The following KCNAB1 variants were observed in gnomAD, a reference collection of about 807,000 sequenced individuals.
KCNAB1 encodes voltage-gated potassium channel subunit beta-1.
Under a neutral mutation model 64.6 loss-of-function variants are expected in KCNAB1, and 35 were observed. That is an observed-to-expected ratio of 0.54 (90% CI 0.41 to 0.72). KCNAB1 has a LOEUF of 0.72. Ranked by LOEUF, KCNAB1 falls within the 30% of genes least tolerant of loss-of-function variation. The pLI is 0.00. For missense variants in KCNAB1, 401 were observed against 512.9 expected (o/e 0.78, Z 2.11); for synonymous variants, 177 against 183.8 (o/e 0.96, Z 0.30).
At chr3:156,342,306 T>C (rs889227068) in intron 1 of KCNAB1, among the ~76,000 whole-genome samples, 3 of 152,346 alleles carry the variant, frequency 2.0e-5, no homozygotes, top group Middle Eastern at 3.4e-3. Flanking sequence ...GAAAAGTTTA[T>C]CAATGCAAGC....
chr3:156,171,190 C>T (rs1711962047), intron 1 of KCNAB1, among the ~76,000 whole-genome samples: 1 of 148,856 alleles, frequency 6.7e-6, no homozygotes, highest in African/African-American at 2.6e-5. Context: ...ACTTCACGCA[C>T]ACATACACAC....
chr3:156,178,608 TAGAG>T (rs1438668679), intron 1 of KCNAB1, among the ~76,000 whole-genome samples: 3 of 152,232 alleles, frequency 2.0e-5, no homozygotes, highest in African/African-American at 7.2e-5. Context: ...CTTGAAAGGA[TAGAG>T]AATCTAATTT....
At chr3:156,297,895 GA>G (rs1480007146) in intron 1 of KCNAB1, among the ~76,000 whole-genome samples, 1 of 152,050 alleles carries the variant, frequency 6.6e-6, no homozygotes, top group East Asian at 1.9e-4. Flanking sequence ...GTTTCAAACA[GA>G]AATATTTGAT....
intron 8 of KCNAB1, among the ~76,000 whole-genome samples, chr3:156,510,551 G>A (rs1717138048): frequency 6.6e-6 from 1 of 152,118 alleles, no homozygotes; most frequent in Admixed American, 6.5e-5. Context: ...TATCCCTTCA[G>A]CTCCTGTCCT....
At chr3:156,276,121 C>T (rs967344487) in intron 1 of KCNAB1, among the ~76,000 whole-genome samples, 3 of 152,144 alleles carry the variant, frequency 2.0e-5, no homozygotes, top group African/African-American at 7.2e-5. Context: ...GTTGTATTAG[C>T]AGGCATGAAA....
At chr3:156,226,530 C>T (rs111314700) in intron 1 of KCNAB1, among the ~76,000 whole-genome samples, 9 of 152,214 alleles carry the variant, frequency 5.9e-5, no homozygotes, top group African/African-American at 2.2e-4. Context: ...AACCCAAAAG[C>T]AAATGCACCA....
intron 1 of KCNAB1, among the ~76,000 whole-genome samples, chr3:156,285,308 C>T (rs1191303522): frequency 6.6e-6 from 1 of 152,198 alleles, no homozygotes; most frequent in East Asian, 1.9e-4. Context: ...TTTATGCCAT[C>T]TTGTTCTAAC....
chr3:156,359,767 C>T (rs1725482374), intron 1 of KCNAB1, among the ~76,000 whole-genome samples: 1 of 152,166 alleles, frequency 6.6e-6, no homozygotes, highest in African/African-American at 2.4e-5. Context: ...TACTTTGGGG[C>T]AAGATCCTGA....
intron 1 of KCNAB1, among the ~76,000 whole-genome samples, chr3:156,209,474 A>G (rs866517389): frequency 3.3e-4 from 51 of 152,242 alleles, no homozygotes; most frequent in Middle Eastern, 3.2e-3. Flanking sequence ...ACTTTAGTCT[A>G]AAAGCATAAT....
At chr3:156,292,786 G>A (rs186259351) in intron 1 of KCNAB1, among the ~76,000 whole-genome samples, 19 of 152,266 alleles carry the variant, frequency 1.2e-4, no homozygotes, top group South Asian at 2.1e-4. Flanking sequence ...CAAGTGATCC[G>A]CCGGCCTTGG....
At chr3:156,389,815 T>C (rs146648186) in intron 1 of KCNAB1, among the ~76,000 whole-genome samples, 2,029 of 152,344 alleles carry the variant, frequency 0.013, 17 homozygotes, top group South Asian at 0.033. Context: ...GTTGGCAAAC[T>C]ATAGCCACTT....
chr3:156,293,584 T>A (rs1016073139), intron 1 of KCNAB1, among the ~76,000 whole-genome samples: 4 of 152,206 alleles, frequency 2.6e-5, no homozygotes, highest in Non-Finnish European at 5.9e-5. Flanking sequence ...AGAAAAAAAG[T>A]CCTTGGGTGG....
At chr3:156,371,183 A>G (rs1185873868) in intron 1 of KCNAB1, among the ~76,000 whole-genome samples, 1 of 152,176 alleles carries the variant, frequency 6.6e-6, no homozygotes, top group African/African-American at 2.4e-5. Context: ...TCTTTCCCCT[A>G]CACCCACCAT....
intron 8 of KCNAB1, among the ~76,000 whole-genome samples, chr3:156,488,582 G>C (rs1428131650): frequency 6.6e-6 from 1 of 152,132 alleles, no homozygotes; most frequent in Non-Finnish European, 1.5e-5. Context: ...AGTGAGGCCA[G>C]ATCTTTGGGC....
intron 1 of KCNAB1, among the ~76,000 whole-genome samples, chr3:156,134,715 C>T (rs891772226): frequency 6.6e-6 from 1 of 152,168 alleles, no homozygotes; most frequent in African/African-American, 2.4e-5. Context: ...ATATAGAACA[C>T]AATATTTCAA....
intron 1 of KCNAB1, chr3:156,175,809 C>T (rs1712330142): frequency 9.8e-6 from 6 of 609,942 alleles, no homozygotes; most frequent in South Asian, 9.5e-5. Flanking sequence ...TTTGACGTCA[C>T]TTATGCAGTC....
chr3:156,343,498 A>G (rs1576751197), intron 1 of KCNAB1, among the ~76,000 whole-genome samples: 1 of 152,206 alleles, frequency 6.6e-6, no homozygotes, highest in Non-Finnish European at 1.5e-5. Flanking sequence ...TCCTCTGGCT[A>G]TAGAGAAGCT....
At chr3:156,282,067 A>G (rs1190599025) in intron 1 of KCNAB1, among the ~76,000 whole-genome samples, 1 of 150,584 alleles carries the variant, frequency 6.6e-6, no homozygotes, top group Admixed American at 6.6e-5. Context: ...TAGGGTATCA[A>G]TTTTGGATCT....
intron 8 of KCNAB1, among the ~76,000 whole-genome samples, chr3:156,489,804 A>G (rs1424445305): frequency 1.3e-5 from 2 of 151,972 alleles, no homozygotes; most frequent in African/African-American, 2.4e-5. Context: ...GAACTGAGGA[A>G]AGATTTTTTT....
Sources: allele counts gnomAD v4.1 joint callset (sites outside exome capture counted in the v4.1 genomes callset), GRCh38; gene constraint gnomAD v4.1.1; transcripts MANE v1.5; gene names NCBI Gene and HGNC (gene_info 2026-07-23, HGNC 2026-07-21).